CSNK2A2IP: variants seen among roughly 807,000 people sequenced by gnomAD.
CSNK2A2IP encodes the protein casein kinase 2 subunit alpha' interacting protein.
At chr3:88,454,085 TG>T in the CSNK2A2IP span, among the ~76,000 whole-genome samples, 6 of 152,022 alleles carry the variant, frequency 3.9e-5, no homozygotes, top group African/African-American at 1.4e-4. Context: ...TCCACATCTT[TG>T]TAACACTTAG....
At chr3:88,445,231 C>A in the CSNK2A2IP span, among the ~76,000 whole-genome samples, 13 of 143,178 alleles carry the variant, frequency 9.1e-5, no homozygotes, top group Admixed American at 3.0e-4. Context: ...GAGTTCAAGA[C>A]CAGCCTGGCC....
At chr3:88,432,155 T>A in the CSNK2A2IP span, among the ~76,000 whole-genome samples, 1 of 151,976 alleles carries the variant, frequency 6.6e-6, no homozygotes, top group Admixed American at 6.6e-5. Context: ...AATTGAACTA[T>A]GCTCATTTAC....
At chr3:88,416,301 G>T in the CSNK2A2IP span, among the ~76,000 whole-genome samples, 8 of 150,280 alleles carry the variant, frequency 5.3e-5, no homozygotes, top group Non-Finnish European at 1.0e-4. Flanking sequence ...AAAGGAAAAG[G>T]GTGATAGAAG....
chr3:88,466,634 C>G, the CSNK2A2IP span: 9 of 1,229,834 alleles, frequency 7.3e-6, no homozygotes, highest in African/African-American at 7.8e-5. Flanking sequence ...AAAGGTGGAA[C>G]TGTCCCTGAT....
the CSNK2A2IP span, among the ~76,000 whole-genome samples, chr3:88,408,858 A>G: frequency 6.6e-6 from 1 of 151,608 alleles, no homozygotes; most frequent in Non-Finnish European, 1.5e-5. Flanking sequence ...TGGTGATTTC[A>G]TGATCCAAAC....
chr3:88,393,819 A>G, the CSNK2A2IP span, among the ~76,000 whole-genome samples: 1 of 152,212 alleles, frequency 6.6e-6, no homozygotes. Flanking sequence ...AGAAAGGAAC[A>G]ATGTGGTCTG....
At chr3:88,463,472 C>T in the CSNK2A2IP span, among the ~76,000 whole-genome samples, 44,493 of 151,956 alleles carry the variant, frequency 0.29, 7,260 homozygotes, top group East Asian at 0.48. Context: ...TCGTAAACAT[C>T]GCCCACTTTT....
At chr3:88,371,202 C>A in the CSNK2A2IP span, among the ~76,000 whole-genome samples, 1 of 151,718 alleles carries the variant, frequency 6.6e-6, no homozygotes, top group Admixed American at 6.6e-5. Flanking sequence ...AGAAACCCAT[C>A]CAGCAATGCA....
At chr3:88,420,653 A>G in the CSNK2A2IP span, among the ~76,000 whole-genome samples, 1 of 152,180 alleles carries the variant, frequency 6.6e-6, no homozygotes, top group African/African-American at 2.4e-5. Flanking sequence ...GGTGAGTAAA[A>G]TGTAAATTCT....
At chr3:88,452,010 C>T in the CSNK2A2IP span, among the ~76,000 whole-genome samples, 1 of 151,990 alleles carries the variant, frequency 6.6e-6, no homozygotes, top group African/African-American at 2.4e-5. Flanking sequence ...CTCCAAATTG[C>T]TTTTCTGGAT....
At chr3:88,400,879 A>T in the CSNK2A2IP span, among the ~76,000 whole-genome samples, 1 of 152,216 alleles carries the variant, frequency 6.6e-6, no homozygotes, top group African/African-American at 2.4e-5. Flanking sequence ...ATATAAAGAT[A>T]GTATGGTTCA....
the CSNK2A2IP span, among the ~76,000 whole-genome samples, chr3:88,385,044 T>G: frequency 1.3e-5 from 2 of 152,098 alleles, no homozygotes; most frequent in Admixed American, 6.5e-5. Context: ...AGTTTAGAAC[T>G]GGGGAAAGAT....
the CSNK2A2IP span, among the ~76,000 whole-genome samples, chr3:88,362,795 T>C: frequency 4.6e-5 from 7 of 152,212 alleles, no homozygotes; most frequent in Admixed American, 4.6e-4. Flanking sequence ...GGAATCTACC[T>C]AGTGCTTTAT....
the CSNK2A2IP span, among the ~76,000 whole-genome samples, chr3:88,388,283 T>C: frequency 6.6e-6 from 1 of 152,350 alleles, no homozygotes; most frequent in East Asian, 1.9e-4. Flanking sequence ...TTAATACCTG[T>C]AAAAATATAT....
the CSNK2A2IP span, among the ~76,000 whole-genome samples, chr3:88,384,728 T>TA: frequency 6.6e-6 from 1 of 152,118 alleles, no homozygotes; most frequent in Non-Finnish European, 1.5e-5. Context: ...GGAGTCAAGA[T>TA]AGAGACATGC....
the CSNK2A2IP span, among the ~76,000 whole-genome samples, chr3:88,446,035 TTTCTTTCTTTCTTTC>T: frequency 4.6e-4 from 2 of 4,322 alleles, no homozygotes; most frequent in African/African-American, 1.7e-3. Flanking sequence ...GTTTCTTTTC[TTTCTTTCTTTCTTTC>T]TTTCTTTCTT....
At chr3:88,345,142 C>G in the CSNK2A2IP span, among the ~76,000 whole-genome samples, 104 of 152,070 alleles carry the variant, frequency 6.8e-4, no homozygotes, top group African/African-American at 2.3e-3. Flanking sequence ...TAACTGCCAC[C>G]CTGATCTCTC....
chr3:88,454,475 A>G, the CSNK2A2IP span, among the ~76,000 whole-genome samples: 7 of 151,900 alleles, frequency 4.6e-5, no homozygotes, highest in African/African-American at 1.7e-4. Flanking sequence ...TTGGTTTCAC[A>G]TCTAAAAATC....
At chr3:88,378,455 A>G in the CSNK2A2IP span, among the ~76,000 whole-genome samples, 4 of 152,070 alleles carry the variant, frequency 2.6e-5, no homozygotes, top group African/African-American at 9.6e-5. Flanking sequence ...ACTCTTCACA[A>G]TGAAGAAAAT....
Sources: allele counts gnomAD v4.1 joint callset (sites outside exome capture counted in the v4.1 genomes callset), GRCh38; gene constraint gnomAD v4.1.1; transcripts MANE v1.5; gene names NCBI Gene and HGNC (gene_info 2026-07-23, HGNC 2026-07-21).